The following ADGRL3 variants were observed in gnomAD, a reference collection of about 807,000 sequenced individuals.
ADGRL3 encodes calcium-independent alpha-latrotoxin receptor 3.
A neutral mutation model predicts 153.5 loss-of-function variants in ADGRL3; 62 were observed. The observed-to-expected ratio is 0.40, with a 90% CI of 0.33 to 0.50. ADGRL3 has a LOEUF of 0.50. ADGRL3 is among the 20% of genes least tolerant of loss of function. The pLI is 0.47. For synonymous variants in ADGRL3, 710 were observed against 672.5 expected (o/e 1.06, Z -0.86); for missense variants, 1,641 against 1,859.4 (o/e 0.88, Z 2.16).
chr4:61,635,029 T>G (rs2093354592), intron 5 of ADGRL3, among the ~76,000 whole-genome samples: 1 of 152,174 alleles, frequency 6.6e-6, no homozygotes, highest in Non-Finnish European at 1.5e-5. Flanking sequence ...AGCAAATCTT[T>G]TAAGGAGCAG....
At chr4:62,053,491 G>A (rs928126595) in intron 25 of ADGRL3, among the ~76,000 whole-genome samples, 10 of 151,492 alleles carry the variant, frequency 6.6e-5, no homozygotes, top group Non-Finnish European at 1.3e-4. Context: ...CAGAATGTAA[G>A]ACAAGTCAGC....
chr4:61,814,154 T>C, intron 9 of ADGRL3, among the ~76,000 whole-genome samples: 1 of 152,082 alleles, frequency 6.6e-6, no homozygotes, highest in East Asian at 1.9e-4. Context: ...ACTAGTTGAA[T>C]ACCAATTTAG....
chr4:61,248,697 A>C (rs890735649), intron 1 of ADGRL3, among the ~76,000 whole-genome samples: 1 of 152,156 alleles, frequency 6.6e-6, no homozygotes, highest in African/African-American at 2.4e-5. Flanking sequence ...ACATCTAATC[A>C]ATTTCAAAGT....
intron 5 of ADGRL3, among the ~76,000 whole-genome samples, chr4:61,630,705 A>G (rs188374603): frequency 1.3e-5 from 2 of 152,330 alleles, no homozygotes; most frequent in Admixed American, 6.5e-5. Flanking sequence ...GGGAAAGAAT[A>G]TTTGGTTAGG....
chr4:61,793,417 C>T (rs189321761), intron 8 of ADGRL3, among the ~76,000 whole-genome samples: 1 of 152,110 alleles, frequency 6.6e-6, no homozygotes, highest in Non-Finnish European at 1.5e-5. Flanking sequence ...AGCGAGACTC[C>T]ATCAAAAACA....
intron 9 of ADGRL3, among the ~76,000 whole-genome samples, chr4:61,838,937 A>C (rs553423205): frequency 6.6e-6 from 1 of 152,338 alleles, no homozygotes; most frequent in Admixed American, 6.5e-5. Context: ...GTTAAATGCC[A>C]GTTAGAATAA....
chr4:61,208,635 G>C (rs983750486), intron 1 of ADGRL3, among the ~76,000 whole-genome samples: 12 of 152,096 alleles, frequency 7.9e-5, no homozygotes, highest in African/African-American at 2.9e-4. Context: ...ACTCATGAAG[G>C]GTTATTAGCA....
Position 62,075,121 on chromosome 4 carries a change from G to GA in ADGRL3, c.*4219dup, listed in dbSNP as rs1304580674. 1 of 152,084 alleles carries GA rather than the reference G, an allele frequency of 6.6e-6. No individual in the cohort carries two copies. Among genetic ancestry groups the GA allele is most frequent in the East Asian group, 1.9e-4 (1 of 5,184 alleles). The allele number at this position is 152,084 out of a possible 1,614,324, so 9.4% of individuals were successfully genotyped here. ...CTAATCTATATCATCCCCTAATAATGAAAAAACAATTAGTTTTTAGAAGTT... is the reference window on the plus strand; with the variant it reads ...CTAATCTATATCATCCCCTAATAATGAAAAAAACAATTAGTTTTTAGAAGTT... On this transcript the variant is annotated 3_prime_UTR_variant, in exon 27 of 27. Transcript: ENST00000683033.
chr4:61,285,851 G>A (rs1411994997), intron 1 of ADGRL3, among the ~76,000 whole-genome samples: 3 of 151,696 alleles, frequency 2.0e-5, no homozygotes, highest in Non-Finnish European at 2.9e-5. Flanking sequence ...GCTTTTACTT[G>A]ACAGCTTTGA....
At chr4:61,453,854 G>T (rs187217479) in intron 2 of ADGRL3, among the ~76,000 whole-genome samples, 1 of 151,926 alleles carries the variant, frequency 6.6e-6, no homozygotes, top group East Asian at 1.9e-4. Context: ...ATTAATTTTA[G>T]AAACATTATA....
Position 61,612,510 on chromosome 4 carries a change from C to A in ADGRL3, c.473+25070C>A, listed in dbSNP as rs554075639. 1.1e-3 allele frequency among the ~76,000 whole-genome samples: 165 copies of A among 152,252 alleles called. 2 individuals are homozygous for A. The highest frequency in any genetic ancestry group is 3.7e-3 in the South Asian group (18 of 4,826). ...ATACGAGGAATCTCTTGACTAGTTT[C>A]TAAAGAGTTCACATTAGCACAATAA... On this transcript the variant is annotated intron_variant, in intron 5 of 26. Coordinates refer to ENST00000683033, the MANE Select transcript of ADGRL3 (RefSeq NM_001387552.1).
intron 1 of ADGRL3, among the ~76,000 whole-genome samples, chr4:61,305,662 C>T (rs950923985): frequency 6.6e-6 from 1 of 151,992 alleles, no homozygotes; most frequent in Admixed American, 6.6e-5. Context: ...TAGGGTCTTT[C>T]CCTGTTTGGT....
intron 1 of ADGRL3, among the ~76,000 whole-genome samples, chr4:61,315,530 T>C (rs2150622793): frequency 6.6e-6 from 1 of 152,226 alleles, no homozygotes; most frequent in Middle Eastern, 3.4e-3. Flanking sequence ...AGTAGCAATG[T>C]TAAAAAGTAT....
At chr4:61,562,788 G>A (rs369785997) in intron 4 of ADGRL3, among the ~76,000 whole-genome samples, 1 of 151,970 alleles carries the variant, frequency 6.6e-6, no homozygotes. Context: ...CTAAGCTCCT[G>A]TTTATTTTGA....
chr4:61,975,991 T>C (rs1184449731), intron 17 of ADGRL3, among the ~76,000 whole-genome samples: 1 of 152,162 alleles, frequency 6.6e-6, no homozygotes, highest in East Asian at 1.9e-4. Flanking sequence ...AAATGGGTGC[T>C]TAAGCTGTAC....
chr4:61,524,077 C>T (rs2098546250), intron 4 of ADGRL3, among the ~76,000 whole-genome samples: 1 of 152,054 alleles, frequency 6.6e-6, no homozygotes, highest in African/African-American at 2.4e-5. Context: ...TATACAATGA[C>T]AGATACTTCT....
At chr4:61,543,532 T>C (rs774296143) in intron 4 of ADGRL3, among the ~76,000 whole-genome samples, 1 of 152,210 alleles carries the variant, frequency 6.6e-6, no homozygotes. Context: ...TAGAAGATAA[T>C]AAAATTTGTG....
At chr4:61,927,349 A>C (rs1363004354) in intron 13 of ADGRL3, among the ~76,000 whole-genome samples, 2 of 151,754 alleles carry the variant, frequency 1.3e-5, no homozygotes, top group Admixed American at 1.3e-4. Context: ...GTTTGCAAAA[A>C]GACAATGCTT....
intron 1 of ADGRL3, among the ~76,000 whole-genome samples, chr4:61,246,272 A>G (rs1366511799): frequency 6.6e-6 from 1 of 152,050 alleles, no homozygotes; most frequent in Non-Finnish European, 1.5e-5. Context: ...ATTACATAAA[A>G]TAGCCCAGCT....
Sources: allele counts gnomAD v4.1 joint callset (sites outside exome capture counted in the v4.1 genomes callset), GRCh38; gene constraint gnomAD v4.1.1; transcripts MANE v1.5; gene names NCBI Gene and HGNC (gene_info 2026-07-23, HGNC 2026-07-21).